Variants in PPARGC1A observed in about 807,000 individuals in gnomAD.
PPARGC1A encodes PPARG coactivator 1 alpha.
In PPARGC1A, 25 loss-of-function variants were observed where a neutral mutation model predicts 88.7. That is an observed-to-expected ratio of 0.28 (90% CI 0.21 to 0.39). The LOEUF is 0.39. Among genes scored for constraint, PPARGC1A ranks in the 10% least tolerant of loss-of-function variants. The pLI, the probability that PPARGC1A is intolerant of heterozygous loss-of-function variation, is 1.00. For synonymous variants in PPARGC1A, 363 were observed against 355.6 expected, an observed-to-expected ratio of 1.02 and a Z score of -0.24; for missense variants, 880 against 968.7, an observed-to-expected ratio of 0.91 and a Z score of 1.22.
the PPARGC1A span, among the ~76,000 whole-genome samples, chr4:24,067,337 T>C: frequency 2.6e-5 from 4 of 152,124 alleles, no homozygotes; most frequent in African/African-American, 9.7e-5. Context: ...AAATAGGTAA[T>C]AGACAGAGTT....
At chr4:24,193,507 A>G in the PPARGC1A span, among the ~76,000 whole-genome samples, 2 of 152,096 alleles carry the variant, frequency 1.3e-5, no homozygotes, top group African/African-American at 2.4e-5. Flanking sequence ...TACCCTTCCT[A>G]ATTGCAAGCT....
chr4:24,178,905 T>C, the PPARGC1A span, among the ~76,000 whole-genome samples: 15 of 152,338 alleles, frequency 9.8e-5, 1 homozygote, highest in Admixed American at 3.3e-4. Context: ...ATCACTACAA[T>C]AGGTTGGTTT....
chr4:24,311,194 G>A, the PPARGC1A span, among the ~76,000 whole-genome samples: 1 of 134,320 alleles, frequency 7.4e-6, no homozygotes, highest in African/African-American at 2.8e-5. Context: ...CCGCCTCCTG[G>A]GTTCACGCCA....
At chr4:24,414,152 T>C in the PPARGC1A span, among the ~76,000 whole-genome samples, 1 of 152,314 alleles carries the variant, frequency 6.6e-6, no homozygotes, top group South Asian at 2.1e-4. Flanking sequence ...CTTCTAGCCA[T>C]CACATGTACT....
Position 23,824,546 on chromosome 4 carries a change from A to G in PPARGC1A, c.758-38T>C, listed in dbSNP as rs1174982992. 2.0e-6 allele frequency: 3 copies of G among 1,505,056 alleles called. No individual in the cohort carries two copies. In the African/African-American group the frequency reaches 4.2e-5, roughly 21 times the overall value. 93.2% of individuals were successfully genotyped at this position (1,505,056 alleles called of 1,614,324 possible). ...AAAAGAAACTAATTATGTAATATTGAGTGTCTTTTAGATTTCTTTTCTCTC... is the reference window on the plus strand; with the variant it reads ...AAAAGAAACTAATTATGTAATATTGGGTGTCTTTTAGATTTCTTTTCTCTC... On this transcript the variant is annotated intron_variant, in intron 5 of 12. Transcript: ENST00000264867.
the PPARGC1A span, among the ~76,000 whole-genome samples, chr4:24,431,321 A>T: frequency 9.2e-5 from 14 of 152,100 alleles, no homozygotes; most frequent in Non-Finnish European, 1.5e-5. Context: ...AGAATAGAAC[A>T]TGTTTGGGTG....
chr4:23,806,080 C>T (rs145081344), intron 10 of PPARGC1A, among the ~76,000 whole-genome samples: 1 of 152,162 alleles, frequency 6.6e-6, no homozygotes, highest in African/African-American at 2.4e-5. Context: ...AACAGGAAAC[C>T]GAAGGGGTGT....
chr4:23,986,247 C>A, the PPARGC1A span, among the ~76,000 whole-genome samples: 6 of 151,726 alleles, frequency 4.0e-5, no homozygotes, highest in African/African-American at 1.4e-4. Context: ...AAAAAAAAGT[C>A]TCTGAAATAT....
At chr4:23,796,834 C>T (rs1247292662) in intron 12 of PPARGC1A, among the ~76,000 whole-genome samples, 3 of 152,066 alleles carry the variant, frequency 2.0e-5, no homozygotes, top group Non-Finnish European at 4.4e-5. Context: ...CAAAACCATT[C>T]TGGAAAACTA....
At chr4:24,110,253 C>G in the PPARGC1A span, among the ~76,000 whole-genome samples, 1 of 152,142 alleles carries the variant, frequency 6.6e-6, no homozygotes, top group South Asian at 2.1e-4. Context: ...GGAGATAACC[C>G]AAATGTAGTT....
the PPARGC1A span, among the ~76,000 whole-genome samples, chr4:24,154,472 GA>G: frequency 6.6e-6 from 1 of 152,180 alleles, no homozygotes; most frequent in Non-Finnish European, 1.5e-5. Context: ...GAAAACATAG[GA>G]AAAAATGCTA....
the PPARGC1A span, among the ~76,000 whole-genome samples, chr4:23,924,584 C>T: frequency 0.013 from 1,935 of 152,178 alleles, 18 homozygotes; most frequent in Non-Finnish European, 0.016. Context: ...ATCACACCAC[C>T]GCACTCCAGC....
At chr4:24,294,695 C>T in the PPARGC1A span, among the ~76,000 whole-genome samples, 1 of 152,196 alleles carries the variant, frequency 6.6e-6, no homozygotes, top group Non-Finnish European at 1.5e-5. Flanking sequence ...GATACCAAAT[C>T]ACTGTAGAGT....
chr4:24,050,914 G>C, the PPARGC1A span, among the ~76,000 whole-genome samples: 1 of 152,082 alleles, frequency 6.6e-6, no homozygotes, highest in East Asian at 1.9e-4. Flanking sequence ...TGGGCCGGGC[G>C]CAGTGGCTCA....
chr4:24,229,843 C>CA, the PPARGC1A span, among the ~76,000 whole-genome samples: 73,042 of 130,622 alleles, frequency 0.56, 20,049 homozygotes, highest in Non-Finnish European at 0.61. Flanking sequence ...AAAACTGTCT[C>CA]AAAAAAAAAA....
the PPARGC1A span, among the ~76,000 whole-genome samples, chr4:24,199,595 T>A: frequency 6.6e-6 from 1 of 152,108 alleles, no homozygotes; most frequent in Non-Finnish European, 1.5e-5. Context: ...GATGGCTACA[T>A]GACAATACAC....
the PPARGC1A span, among the ~76,000 whole-genome samples, chr4:24,413,893 T>A: frequency 1.3e-5 from 2 of 152,198 alleles, no homozygotes. Flanking sequence ...TTCCCATATG[T>A]TAAATGTCTT....
At chr4:24,023,594 T>A in the PPARGC1A span, among the ~76,000 whole-genome samples, 1 of 152,190 alleles carries the variant, frequency 6.6e-6, no homozygotes, top group Non-Finnish European at 1.5e-5. Context: ...TAGGCTTAAG[T>A]TTCATTTCCC....
chr4:23,900,569 T>C (rs1262770420), upstream of PPARGC1A, among the ~76,000 whole-genome samples: 1 of 152,228 alleles, frequency 6.6e-6, no homozygotes, highest in Non-Finnish European at 1.5e-5. Context: ...GTTTGACTGC[T>C]TAAAACTCAA....
Sources: gnomAD v4.1 joint callset for allele counts (sites outside exome capture counted in the v4.1 genomes callset) on GRCh38, gnomAD v4.1.1 for gene constraint, MANE v1.5 for transcripts, NCBI Gene and HGNC (gene_info 2026-07-23, HGNC 2026-07-21) for gene names.